Variants in HACD2 observed in about 807,000 individuals in gnomAD.
The protein encoded by HACD2 is 3-hydroxyacyl-CoA dehydratase 2.
A neutral mutation model predicts 31.0 loss-of-function variants in HACD2; 15 were observed. The observed-to-expected ratio is 0.48, with a 90% CI of 0.32 to 0.75. The LOEUF (loss-of-function observed/expected upper bound fraction) is 0.75, where lower values mean the gene tolerates loss of function less well. Ranked by LOEUF, HACD2 falls within the 30% of genes least tolerant of loss-of-function variation. The pLI, the probability that HACD2 is intolerant of heterozygous loss-of-function variation, is 0.03. For missense variants in HACD2, 283 were observed against 313.0 expected (o/e 0.90, Z 0.72); for synonymous variants, 115 against 122.2 (o/e 0.94, Z 0.39).
At chr3:123,558,763 C>A (rs957172922) in intron 3 of HACD2, among the ~76,000 whole-genome samples, 12 of 152,280 alleles carry the variant, frequency 7.9e-5, no homozygotes, top group African/African-American at 2.9e-4. Context: ...TCAAATTATT[C>A]TTTGGCTAAA....
chr3:123,583,108 C>T (rs1479178921), intron 1 of HACD2, among the ~76,000 whole-genome samples: 1 of 152,094 alleles, frequency 6.6e-6, no homozygotes, highest in Non-Finnish European at 1.5e-5. Flanking sequence ...GTGGTCTATG[C>T]TATTTCCAAA....
chr3:123,542,208 T>C (rs1022461090), intron 3 of HACD2, among the ~76,000 whole-genome samples: 1 of 133,272 alleles, frequency 7.5e-6, no homozygotes, highest in African/African-American at 2.8e-5. Flanking sequence ...AAAATCAAGA[T>C]GCTAATAGGC....
rs144092089 is a variant in HACD2 at position 123,549,653 on chromosome 3, T to C, written c.292+18109A>G. Among the ~76,000 whole-genome samples the C allele has an allele frequency of 7.2e-5, 11 of 151,872 alleles. No homozygotes were observed. The East Asian group carries it at 2.1e-3, about 30-fold the overall frequency. ...GTCACACCTACTTGGGAGGCTGAGGTGGAAAGATTGCTTGAGCCTGGGAAG... is the reference window on the plus strand; with the variant it reads ...GTCACACCTACTTGGGAGGCTGAGGCGGAAAGATTGCTTGAGCCTGGGAAG... On this transcript the variant is annotated intron_variant, in intron 3 of 6. Coordinates refer to ENST00000383657, the MANE Select transcript of HACD2 (RefSeq NM_198402.5).
chr3:123,578,626 T>C (rs1394346710), intron 2 of HACD2, among the ~76,000 whole-genome samples: 1 of 152,230 alleles, frequency 6.6e-6, no homozygotes. Context: ...TTGGTAAATG[T>C]TTTTATGTCT....
chr3:123,558,491 A>G (rs2056695044), intron 3 of HACD2, among the ~76,000 whole-genome samples: 1 of 152,170 alleles, frequency 6.6e-6, no homozygotes, highest in Admixed American at 6.6e-5. Context: ...ATGGGAGACT[A>G]TGCATGCGTG....
chr3:123,527,825 AT>A (rs2107706118), intron 4 of HACD2, among the ~76,000 whole-genome samples: 1 of 152,354 alleles, frequency 6.6e-6, no homozygotes, highest in East Asian at 1.9e-4. Context: ...AAGGCATTAC[AT>A]TTGCGGGTAG....
At position 123,539,520 on chromosome 3, in the gene HACD2, A is replaced by G. The variant is rs1156603019; in HGVS notation, c.293-11046T>C. Among the ~76,000 whole-genome samples the G allele has an allele frequency of 2.0e-5, 3 of 151,094 alleles. No homozygotes were observed. The East Asian group carries it at 5.9e-4, about 29-fold the overall frequency. On this transcript the variant is annotated intron_variant, in intron 3 of 6. Coordinates refer to ENST00000383657, the MANE Select transcript of HACD2 (RefSeq NM_198402.5). ...AGGAGGGCAAGGCTGCAGTGAGCCG[A>G]GATCTCACCACTACACTCCAGCCTG...
At chr3:123,512,349 G>A (rs562080180) in intron 4 of HACD2, among the ~76,000 whole-genome samples, 56 of 152,278 alleles carry the variant, frequency 3.7e-4, no homozygotes, top group African/African-American at 1.3e-3. Context: ...TACTTCACTA[G>A]GCAAGCTTCT....
intron 3 of HACD2, among the ~76,000 whole-genome samples, chr3:123,534,849 AAAG>A (rs1340271024): frequency 6.6e-6 from 1 of 150,486 alleles, no homozygotes; most frequent in Non-Finnish European, 1.5e-5. Flanking sequence ...AAGAGTAAAA[AAAG>A]AAATTAAAAA....
chr3:123,507,713 T>G (rs563145616), intron 4 of HACD2, among the ~76,000 whole-genome samples: 1 of 152,076 alleles, frequency 6.6e-6, no homozygotes, highest in South Asian at 2.1e-4. Context: ...ATACCTACTA[T>G]GTACCCACAA....
intron 6 of HACD2, 48 bp downstream of exon 6, chr3:123,500,467 A>G (rs1355649908): frequency 7.9e-7 from 1 of 1,273,310 alleles, no homozygotes; most frequent in Non-Finnish European, 1.1e-6. Context: ...GTTATTGTAG[A>G]GCCAAATTTT....
chr3:123,523,777 C>T (rs537003933), intron 4 of HACD2, among the ~76,000 whole-genome samples: 111 of 152,358 alleles, frequency 7.3e-4, no homozygotes, highest in African/African-American at 2.6e-3. Context: ...CCTAATGGCT[C>T]TGGCCCACAG....
chr3:123,549,884 C>A (rs576309407), intron 3 of HACD2, among the ~76,000 whole-genome samples: 1 of 152,258 alleles, frequency 6.6e-6, no homozygotes, highest in South Asian at 2.1e-4. Context: ...TTTTCTGCCC[C>A]AAAATTATAA....
intron 4 of HACD2, among the ~76,000 whole-genome samples, chr3:123,503,620 C>T (rs892296799): frequency 6.6e-6 from 1 of 151,850 alleles, no homozygotes; most frequent in Non-Finnish European, 1.5e-5. Context: ...CCCCCAGTCC[C>T]TTCCCAGCTG....
intron 3 of HACD2, among the ~76,000 whole-genome samples, chr3:123,556,788 G>A (rs966194457): frequency 6.6e-6 from 1 of 152,140 alleles, no homozygotes; most frequent in Non-Finnish European, 1.5e-5. Context: ...ACTGAAAAAT[G>A]AGCAAAGACC....
intron 3 of HACD2, among the ~76,000 whole-genome samples, chr3:123,529,008 T>C (rs868590177): frequency 0.27 from 3,747 of 13,878 alleles, 151 homozygotes; most frequent in South Asian, 0.33. Flanking sequence ...TTTAAAACCT[T>C]TTTTTTTTTT....
At chr3:123,526,439 C>T (rs1328327121) in intron 4 of HACD2, among the ~76,000 whole-genome samples, 1 of 151,826 alleles carries the variant, frequency 6.6e-6, no homozygotes, top group Non-Finnish European at 1.5e-5. Flanking sequence ...TATGTAAAAA[C>T]AAGAGGATCC....
intron 3 of HACD2, among the ~76,000 whole-genome samples, chr3:123,566,927 C>G (rs2056798398): frequency 6.6e-6 from 1 of 152,168 alleles, no homozygotes; most frequent in African/African-American, 2.4e-5. Flanking sequence ...TGTTCTCTAC[C>G]TGTGCGCCCA....
chr3:123,518,749 CA>C (rs2056176367), intron 4 of HACD2, among the ~76,000 whole-genome samples: 1 of 152,174 alleles, frequency 6.6e-6, no homozygotes, highest in South Asian at 2.1e-4. Flanking sequence ...GTAATCCCAG[CA>C]ACTTCGGGAG....
Sources: allele counts gnomAD v4.1 joint callset (sites outside exome capture counted in the v4.1 genomes callset), GRCh38; gene constraint gnomAD v4.1.1; transcripts MANE v1.5; gene names NCBI Gene and HGNC (gene_info 2026-07-23, HGNC 2026-07-21).